The following NRG1 variants were observed in gnomAD, a reference collection of about 807,000 sequenced individuals.
NRG1 encodes pro-neuregulin-1, membrane-bound isoform.
A neutral mutation model predicts 63.8 loss-of-function variants in NRG1; 18 were observed. The ratio of observed to expected loss-of-function variants is 0.28; its 90% CI spans 0.19 to 0.42. The LOEUF is 0.42. Among genes scored for constraint, NRG1 ranks in the 10% least tolerant of loss-of-function variants. NRG1 has a pLI of 1.00. For missense variants in NRG1, 762 were observed against 814.7 expected, an observed-to-expected ratio of 0.94 and a Z score of 0.79; for synonymous variants, 302 against 301.3, an observed-to-expected ratio of 1.00 and a Z score of -0.02.
chr8:32,647,613 G>A, intron 5 of NRG1: 1 of 1,445,868 alleles, frequency 6.9e-7, no homozygotes. Context: ...GGACTTGGAC[G>A]ATTTATCGAT....
At chr8:32,102,051 T>C (rs546743547) in intron 1 of NRG1, among the ~76,000 whole-genome samples, 1 of 152,170 alleles carries the variant, frequency 6.6e-6, no homozygotes, top group Non-Finnish European at 1.5e-5. Context: ...CTGCTGGATC[T>C]AGTTGGAATG....
At chr8:32,737,675 CTT>C (rs561750288) in intron 6 of NRG1, among the ~76,000 whole-genome samples, 12 of 127,884 alleles carry the variant, frequency 9.4e-5, no homozygotes, top group African/African-American at 8.8e-5. Flanking sequence ...GACAATCTTC[CTT>C]TTTTTTTTTT....
chr8:32,245,541 G>T (rs1243938821), intron 1 of NRG1, among the ~76,000 whole-genome samples: 1 of 152,094 alleles, frequency 6.6e-6, no homozygotes. Flanking sequence ...GTATAATATG[G>T]CTAAGAGATA....
intron 7 of NRG1, chr8:32,743,083 T>C: frequency 9.3e-7 from 1 of 1,076,956 alleles, no homozygotes; most frequent in East Asian, 6.4e-5. Context: ...AAAATCATTC[T>C]ACTGAACAGT....
intron 1 of NRG1, among the ~76,000 whole-genome samples, chr8:32,515,563 C>A (rs1829736972): frequency 6.6e-6 from 1 of 151,932 alleles, no homozygotes; most frequent in Non-Finnish European, 1.5e-5. Flanking sequence ...TTCACCTCAG[C>A]CCCCAAATAG....
At chr8:31,738,317 A>T (rs1338012994) in intron 1 of NRG1, among the ~76,000 whole-genome samples, 1 of 152,102 alleles carries the variant, frequency 6.6e-6, no homozygotes, top group East Asian at 1.9e-4. Context: ...TTCAAAGGTA[A>T]GAGCTTGACT....
At chr8:31,653,645 G>A (rs1421685431) in intron 1 of NRG1, among the ~76,000 whole-genome samples, 4 of 152,228 alleles carry the variant, frequency 2.6e-5, no homozygotes, top group African/African-American at 9.7e-5. Context: ...CAGAGCTGAT[G>A]ATGAAAGGCA....
chr8:32,083,079 CATGAGT>C (rs1827713744), intron 1 of NRG1, among the ~76,000 whole-genome samples: 1 of 152,148 alleles, frequency 6.6e-6, no homozygotes. Flanking sequence ...TGGGCGCAGT[CATGAGT>C]ATGCCTCCAC....
intron 1 of NRG1, among the ~76,000 whole-genome samples, chr8:32,471,305 A>C (rs17716920): frequency 0.11 from 16,035 of 152,148 alleles, 1,206 homozygotes; most frequent in Admixed American, 0.24. Context: ...AACCTTACCT[A>C]CTGCTCCTTT....
chr8:31,799,946 GTATAGCAAC>G (rs1192979917), intron 1 of NRG1, among the ~76,000 whole-genome samples: 4 of 152,128 alleles, frequency 2.6e-5, no homozygotes, highest in Admixed American at 2.6e-4. Flanking sequence ...CCTGTATTAT[GTATAGCAAC>G]TAGAGCTACT....
At chr8:32,298,315 G>A (rs915935208) in intron 1 of NRG1, among the ~76,000 whole-genome samples, 1 of 152,204 alleles carries the variant, frequency 6.6e-6, no homozygotes, top group Non-Finnish European at 1.5e-5. Flanking sequence ...AGGCCTGGCA[G>A]AACTGACTAC....
intron 1 of NRG1, among the ~76,000 whole-genome samples, chr8:31,746,024 G>T (rs1815819131): frequency 6.6e-6 from 1 of 151,672 alleles, no homozygotes; most frequent in African/African-American, 2.4e-5. Flanking sequence ...TTGAAATTCT[G>T]TATCCCTCTT....
At chr8:32,759,053 G>T (rs916010431) in intron 9 of NRG1, among the ~76,000 whole-genome samples, 1 of 151,818 alleles carries the variant, frequency 6.6e-6, no homozygotes, top group Admixed American at 6.6e-5. Flanking sequence ...TGGAATGATG[G>T]GCCGTACATT....
intron 1 of NRG1, among the ~76,000 whole-genome samples, chr8:31,783,051 A>G (rs1819841669): frequency 6.6e-6 from 1 of 152,186 alleles, no homozygotes; most frequent in African/African-American, 2.4e-5. Context: ...AGAGCTTTCA[A>G]CTGTTAACTA....
intron 1 of NRG1, among the ~76,000 whole-genome samples, chr8:32,203,642 G>T (rs1843724485): frequency 6.6e-6 from 1 of 152,078 alleles, no homozygotes; most frequent in Admixed American, 6.6e-5. Flanking sequence ...GATTATAGAC[G>T]TGAGCCACCA....
chr8:32,471,523 G>T (rs1239592439), intron 1 of NRG1, among the ~76,000 whole-genome samples: 1 of 151,952 alleles, frequency 6.6e-6, no homozygotes, highest in African/African-American at 2.4e-5. Context: ...ATTTTATTTA[G>T]AAGAATTTCT....
intron 1 of NRG1, among the ~76,000 whole-genome samples, chr8:32,108,136 CT>C (rs1236997664): frequency 6.6e-6 from 1 of 152,112 alleles, no homozygotes; most frequent in Non-Finnish European, 1.5e-5. Context: ...CATGACCCTC[CT>C]CAAAGAAGTC....
chr8:32,377,464 G>A (rs1202543459), intron 1 of NRG1, among the ~76,000 whole-genome samples: 1 of 152,094 alleles, frequency 6.6e-6, no homozygotes. Flanking sequence ...GGGACCTTTG[G>A]GGATACCTGC....
chr8:32,391,688 A>G (rs757076344), intron 1 of NRG1, among the ~76,000 whole-genome samples: 11 of 152,186 alleles, frequency 7.2e-5, no homozygotes, highest in Non-Finnish European at 1.6e-4. Flanking sequence ...TAGAAAGGAC[A>G]TGATCTCGTT....
Sources: allele counts gnomAD v4.1 joint callset (sites outside exome capture counted in the v4.1 genomes callset), GRCh38; gene constraint gnomAD v4.1.1; transcripts MANE v1.5; gene names NCBI Gene and HGNC (gene_info 2026-07-23, HGNC 2026-07-21).